RTN4: variants seen among roughly 807,000 people sequenced by gnomAD.
The protein encoded by RTN4 is reticulon 4.
RTN4 carries 32 observed loss-of-function variants against 90.4 expected under a neutral mutation model. The ratio of observed to expected loss-of-function variants is 0.35; its 90% CI spans 0.27 to 0.48. The LOEUF is 0.48. Ranked by LOEUF, RTN4 falls within the 20% of genes least tolerant of loss-of-function variation. The pLI is 0.99. For synonymous variants in RTN4, 629 were observed against 552.5 expected (o/e 1.14, Z -1.94); for missense variants, 1,706 against 1,430.2 (o/e 1.19, Z -3.11).
At chr2:55,085,315 C>CCACACA in intron 1 of RTN4, among the ~76,000 whole-genome samples, 1 of 144,782 alleles carries the variant, frequency 6.9e-6, no homozygotes, top group South Asian at 2.2e-4. Context: ...ACATATACAC[C>CCACACA]CACACACACA....
chr2:55,022,824 C>A (rs1467428895), intron 3 of RTN4, among the ~76,000 whole-genome samples: 1 of 151,268 alleles, frequency 6.6e-6, no homozygotes, highest in Non-Finnish European at 1.5e-5. Context: ...TAGGCCTTTG[C>A]CTGATGGCCT....
chr2:55,033,038 G>C (rs1344250094), intron 1 of RTN4, among the ~76,000 whole-genome samples: 1 of 131,714 alleles, frequency 7.6e-6, no homozygotes, highest in Non-Finnish European at 1.6e-5. Context: ...CTTTAAAAAA[G>C]ACTGAAGAAG....
chr2:54,973,036 TAAC>T lies in RTN4; in HGVS notation c.*117_*119del. On this transcript the variant is annotated 3_prime_UTR_variant, in exon 9 of 9. Coordinates refer to ENST00000337526, the MANE Select transcript of RTN4 (RefSeq NM_020532.5). ...CAGTGCATGGCTAAAAATAAAGATC[TAAC>T]AACGATCTGTGAAACTGCACTGCAA... The T allele has an allele frequency of 1.3e-6, 1 of 762,324 alleles. No homozygotes were observed. Among genetic ancestry groups the T allele is most frequent in the Non-Finnish European group, 2.2e-6 (1 of 460,034 alleles). The allele number at this position is 762,324 out of a possible 1,614,324, so 47.2% of individuals were successfully genotyped here.
chr2:55,043,651 C>A (rs549469761), intron 1 of RTN4, among the ~76,000 whole-genome samples: 1 of 151,996 alleles, frequency 6.6e-6, no homozygotes, highest in Non-Finnish European at 1.5e-5. Flanking sequence ...TGTGGGACAC[C>A]GAGGCAGGTG....
chr2:54,991,411 T>C (rs1362647180), intron 3 of RTN4, among the ~76,000 whole-genome samples: 1 of 152,220 alleles, frequency 6.6e-6, no homozygotes, highest in Non-Finnish European at 1.5e-5. Context: ...TAAATGAATA[T>C]GGTAGAAGGA....
chr2:55,009,318 T>G (rs375511278), intron 3 of RTN4, among the ~76,000 whole-genome samples: 1 of 152,082 alleles, frequency 6.6e-6, no homozygotes, highest in Non-Finnish European at 1.5e-5. Flanking sequence ...CCACTTTCTT[T>G]TAAAGAAAAA....
At chr2:55,126,132 G>A in the RTN4 span, among the ~76,000 whole-genome samples, 1 of 151,234 alleles carries the variant, frequency 6.6e-6, no homozygotes, top group African/African-American at 2.4e-5. Flanking sequence ...GGGAGGCCAA[G>A]GAGGGCAGAT....
chr2:55,014,019 A>C (rs1335520737), intron 3 of RTN4, among the ~76,000 whole-genome samples: 1 of 152,226 alleles, frequency 6.6e-6, no homozygotes, highest in African/African-American at 2.4e-5. Flanking sequence ...CAGTAGTTTT[A>C]AGCTTATTTC....
At chr2:55,063,305 G>C (rs1316354635) in intron 2 of RTN4, among the ~76,000 whole-genome samples, 1 of 152,242 alleles carries the variant, frequency 6.6e-6, no homozygotes, top group Non-Finnish European at 1.5e-5. Flanking sequence ...CATTTAAGTG[G>C]AGAGTAGAAT....
At chr2:55,077,469 G>T (rs1176279075) in intron 2 of RTN4, among the ~76,000 whole-genome samples, 1 of 152,156 alleles carries the variant, frequency 6.6e-6, no homozygotes, top group African/African-American at 2.4e-5. Flanking sequence ...AAAAATAATA[G>T]ATGTTAGTGT....
intron 1 of RTN4, among the ~76,000 whole-genome samples, chr2:55,031,786 G>C (rs981069070): frequency 1.2e-4 from 18 of 152,080 alleles, no homozygotes; most frequent in Non-Finnish European, 2.1e-4. Flanking sequence ...TAAAAACAGA[G>C]ACGAACAGTT....
chr2:55,087,546 T>C (rs1415595487), intron 1 of RTN4, among the ~76,000 whole-genome samples: 1 of 152,198 alleles, frequency 6.6e-6, no homozygotes, highest in African/African-American at 2.4e-5. Flanking sequence ...TTCCAATTTA[T>C]TCTCTTTCAC....
intron 3 of RTN4, among the ~76,000 whole-genome samples, chr2:55,014,225 A>C (rs2104806775): frequency 6.6e-6 from 1 of 152,282 alleles, no homozygotes; most frequent in South Asian, 2.1e-4. Flanking sequence ...TGACAGTACA[A>C]GTTAAAATAG....
intron 1 of RTN4, among the ~76,000 whole-genome samples, chr2:55,091,242 TA>T (rs900942056): frequency 3.9e-5 from 6 of 152,180 alleles, no homozygotes; most frequent in African/African-American, 1.4e-4. Flanking sequence ...CTCTGTGGCC[TA>T]GGGGGCCCCA....
intron 2 of RTN4, among the ~76,000 whole-genome samples, chr2:55,075,587 C>G (rs760697125): frequency 4.6e-5 from 7 of 152,106 alleles, no homozygotes; most frequent in Non-Finnish European, 8.8e-5. Flanking sequence ...CTAGAAGAAA[C>G]AATCCTAAAA....
At chr2:55,123,594 A>G in the RTN4 span, among the ~76,000 whole-genome samples, 1 of 152,066 alleles carries the variant, frequency 6.6e-6, no homozygotes, top group African/African-American at 2.4e-5. Context: ...TGAATTTGCA[A>G]AAAAGTAAGC....
At chr2:55,076,341 C>A (rs1434868161) in intron 2 of RTN4, among the ~76,000 whole-genome samples, 2 of 150,074 alleles carry the variant, frequency 1.3e-5, no homozygotes, top group Non-Finnish European at 3.0e-5. Flanking sequence ...TGCTCAACAT[C>A]ACTACTTGAT....
In RTN4 at chr2:54,979,338, G is replaced by A. The variant is rs1677932253; in HGVS notation, c.3360+3177C>T. ...CTCCCAAAGTGCTGGGATTACAGGC[G>A]TGAGCTACTGTGCATGGCCAGGAAA... On this transcript the variant is annotated intron_variant, in intron 5 of 8. Coordinates refer to ENST00000337526, the MANE Select transcript of RTN4 (RefSeq NM_020532.5). 3.3e-5 allele frequency among the ~76,000 whole-genome samples: 5 copies of A among 152,214 alleles called. No homozygotes were observed. The South Asian group carries it at 1.0e-3, about 32-fold the overall frequency.
At chr2:55,066,052 C>T (rs1227723353) in intron 2 of RTN4, among the ~76,000 whole-genome samples, 2 of 151,970 alleles carry the variant, frequency 1.3e-5, no homozygotes, top group East Asian at 3.8e-4. Flanking sequence ...GTACATTCTC[C>T]AATAGACTAA....
Sources: allele counts gnomAD v4.1 joint callset (sites outside exome capture counted in the v4.1 genomes callset), GRCh38; gene constraint gnomAD v4.1.1; transcripts MANE v1.5; gene names NCBI Gene and HGNC (gene_info 2026-07-23, HGNC 2026-07-21).